The following ENAH variants were observed in gnomAD, a reference collection of about 807,000 sequenced individuals.
ENAH encodes protein enabled homolog.
A neutral mutation model predicts 78.7 loss-of-function variants in ENAH; 23 were observed. The observed-to-expected ratio is 0.29, with a 90% CI of 0.21 to 0.41. The LOEUF (loss-of-function observed/expected upper bound fraction) is 0.41. Among genes scored for constraint, ENAH ranks in the 10% least tolerant of loss-of-function variants. The pLI, the probability that ENAH is intolerant of heterozygous loss-of-function variation, is 1.00. For missense variants in ENAH, 544 were observed against 691.0 expected (o/e 0.79, Z 2.39); for synonymous variants, 226 against 241.0 (o/e 0.94, Z 0.58).
intron 4 of ENAH, among the ~76,000 whole-genome samples, chr1:225,528,003 T>C (rs2151238679): frequency 6.6e-6 from 1 of 152,294 alleles, no homozygotes; most frequent in South Asian, 2.1e-4. Flanking sequence ...ACATCAGTAA[T>C]TTCTCCTCTA....
chr1:225,558,925 G>A (rs573115046), intron 2 of ENAH, among the ~76,000 whole-genome samples: 6 of 152,032 alleles, frequency 3.9e-5, no homozygotes, highest in South Asian at 2.1e-4. Flanking sequence ...AAGCCACTGC[G>A]CCTGGCCTGT....
intron 1 of ENAH, among the ~76,000 whole-genome samples, chr1:225,617,523 ATTAAAAAAG>A (rs1656010060): frequency 6.6e-6 from 1 of 152,236 alleles, no homozygotes; most frequent in Non-Finnish European, 1.5e-5. Flanking sequence ...TATCTGTGGT[ATTAAAAAAG>A]TATTTTTTAA....
intron 3 of ENAH, among the ~76,000 whole-genome samples, chr1:225,545,502 T>A (rs2096608840): frequency 1.3e-5 from 2 of 152,188 alleles, no homozygotes. Context: ...TTAAAACAAC[T>A]AAAAAGCAGT....
chr1:225,488,175 A>G lies in ENAH; in HGVS notation c.*9600T>C, dbSNP rs1308455299. On this transcript the variant is annotated 3_prime_UTR_variant, in exon 14 of 14. Coordinates refer to ENST00000366843, the MANE Select transcript of ENAH (RefSeq NM_018212.6). ...GGACAAGGTTTTTATTTATTTATTT[A>G]TTTATTATTTATTTATTTATTTTTT... 1 of 149,552 alleles carries G rather than the reference A, an allele frequency of 6.7e-6. No individual in the cohort carries two copies. Among genetic ancestry groups the G allele is most frequent in the Non-Finnish European group, 1.5e-5 (1 of 67,140 alleles). The allele number at this position is 149,552 out of a possible 1,614,324, so 9.3% of individuals were successfully genotyped here. A position where few individuals can be genotyped will look rare whatever the true frequency, so the allele number is the denominator to read the frequency against.
chr1:225,624,527 G>A (rs1657584783), intron 1 of ENAH, among the ~76,000 whole-genome samples: 1 of 152,074 alleles, frequency 6.6e-6, no homozygotes, highest in Non-Finnish European at 1.5e-5. Context: ...GGGAGGCTGA[G>A]GAAGGAGAAT....
At chr1:225,514,029 A>G (rs374739515) in intron 7 of ENAH, among the ~76,000 whole-genome samples, 20 of 152,218 alleles carry the variant, frequency 1.3e-4, no homozygotes, top group African/African-American at 4.8e-4. Context: ...AAAGAAGGAA[A>G]CATATCCAAA....
At chr1:225,508,082 T>C (rs542435127) in intron 10 of ENAH, 65 bp from the exon 11 acceptor site, 16 of 1,049,424 alleles carry the variant, frequency 1.5e-5, no homozygotes, top group East Asian at 1.3e-4. Flanking sequence ...ATAAAACAAA[T>C]AACAAAATAC....
chr1:225,513,817 C>CT (rs2151125872), intron 7 of ENAH, among the ~76,000 whole-genome samples: 1 of 152,054 alleles, frequency 6.6e-6, no homozygotes, highest in African/African-American at 2.4e-5. Flanking sequence ...CATCGCGAAA[C>CT]CCTATCTCTA....
At position 225,652,868 on chromosome 1, in the gene ENAH, C is replaced by G. The variant is rs1180457711; in HGVS notation, c.-178G>C. ...CCTCGCACAAAGCCGAGGCGCCGGC[C>G]GGGAGTGTGGGAGAAGAGGGCGAGA... On this transcript the variant is annotated 5_prime_UTR_variant, in exon 1 of 14. Transcript: ENST00000366843. 1 of 424,846 alleles carries G rather than the reference C, an allele frequency of 2.4e-6. No individual in the cohort carries two copies. Among genetic ancestry groups the G allele is most frequent in the East Asian group, 3.6e-5 (1 of 28,086 alleles). 26.3% of individuals were successfully genotyped at this position (424,846 alleles called of 1,614,324 possible). A position where few individuals can be genotyped will look rare whatever the true frequency, so the allele number is the denominator to read the frequency against.
intron 2 of ENAH, among the ~76,000 whole-genome samples, chr1:225,561,276 A>G (rs943820173): frequency 6.6e-6 from 1 of 151,824 alleles, no homozygotes; most frequent in Non-Finnish European, 1.5e-5. Context: ...TCTTTCACTC[A>G]TCTAACCATT....
Position 225,519,541 on chromosome 1 carries a change from T to C in ENAH, c.459A>G (p.Gln153=), listed in dbSNP as rs760194768. ...QRRQLQEQQR[Q]KELERERLER... is the part of the protein sequence containing the mutation. ...CCAGCCTTTCCCGCTCCAGCTCCTT[T>C]TGCCGTTGCTGTTCTTGTAGTTGTC... The change falls in exon 5 of 14, where the codon CAA becomes CAG. Residue 153 remains glutamine (Q), a synonymous_variant. Transcript: ENST00000366843. 32 of 1,612,194 alleles carry C rather than the reference T, an allele frequency of 2.0e-5. No homozygotes were observed. Among genetic ancestry groups the C allele is most frequent in the Non-Finnish European group, 2.6e-5 (31 of 1,179,826 alleles).
At chr1:225,498,323 T>C (rs2297747) in intron 13 of ENAH, 24 bp downstream of exon 13, 28,237 of 1,548,212 alleles carry the variant, frequency 0.018, 489 homozygotes, top group East Asian at 0.081. Flanking sequence ...TTTATAGGAA[T>C]AGTAAATTTG....
intron 4 of ENAH, among the ~76,000 whole-genome samples, chr1:225,525,433 C>T (rs1266406763): frequency 6.6e-6 from 1 of 152,178 alleles, no homozygotes; most frequent in Non-Finnish European, 1.5e-5. Flanking sequence ...TCACCCCAAA[C>T]TCTCCATTAG....
At chr1:225,542,367 G>C (rs745847635) in intron 3 of ENAH, among the ~76,000 whole-genome samples, 6 of 152,180 alleles carry the variant, frequency 3.9e-5, no homozygotes, top group Non-Finnish European at 8.8e-5. Flanking sequence ...TTTCCAGGAG[G>C]AATCAAACCC....
chr1:225,503,118 T>A (rs567105429), intron 11 of ENAH, among the ~76,000 whole-genome samples: 2 of 152,066 alleles, frequency 1.3e-5, no homozygotes, highest in Admixed American at 1.3e-4. Flanking sequence ...ATGCAATCCA[T>A]CACCACCACC....
intron 3 of ENAH, among the ~76,000 whole-genome samples, chr1:225,536,391 A>ATT (rs139132923): frequency 1.1e-4 from 16 of 149,556 alleles, no homozygotes; most frequent in Non-Finnish European, 2.1e-4. Flanking sequence ...ACAAAAGTAA[A>ATT]TTTTTTTTTT....
chr1:225,585,812 A>G (rs540591364), intron 1 of ENAH, among the ~76,000 whole-genome samples: 2 of 152,160 alleles, frequency 1.3e-5, no homozygotes, highest in South Asian at 4.1e-4. Context: ...AATAAATAAG[A>G]AAAAAATCAT....
intron 4 of ENAH, among the ~76,000 whole-genome samples, chr1:225,521,662 A>C (rs1329238557): frequency 6.6e-6 from 1 of 150,826 alleles, no homozygotes; most frequent in Non-Finnish European, 1.5e-5. Context: ...AAAAAAAAGT[A>C]TCTTTATCTT....
At chr1:225,653,226 G>C (rs1663384958), upstream of ENAH, 1 of 151,018 alleles carries the variant, frequency 6.6e-6, no homozygotes, top group Non-Finnish European at 1.5e-5. This position sits in a 1 kb window ranked among gnomAD's most constrained non-coding sequence, Gnocchi z 4.3. Flanking sequence ...GGGGCGGTGC[G>C]GGGGGAGGGG....
Sources: allele counts gnomAD v4.1 joint callset (sites outside exome capture counted in the v4.1 genomes callset), GRCh38; gene constraint gnomAD v4.1.1; non-coding constraint Gnocchi (gnomAD v3.1); transcripts MANE v1.5; gene names NCBI Gene and HGNC (gene_info 2026-07-23, HGNC 2026-07-21).